The following KIF4B variants were observed in gnomAD, a reference collection of about 807,000 sequenced individuals.
KIF4B encodes kinesin family member 4B.
In KIF4B, 60 loss-of-function variants were observed where a neutral mutation model predicts 69.0. The ratio of observed to expected loss-of-function variants is 0.87; its 90% confidence interval spans 0.71 to 1.08. The LOEUF (loss-of-function observed/expected upper bound fraction) is 1.08. Ranked by LOEUF, KIF4B falls within the 50% of genes least tolerant of loss-of-function variation. The pLI is 0.00. For missense variants in KIF4B, 1,357 were observed against 1,451.9 expected, an observed-to-expected ratio of 0.93 and a Z score of 1.06; for synonymous variants, 489 against 533.0, an observed-to-expected ratio of 0.92 and a Z score of 1.14.
chr5:155,014,003 C>T lies in KIF4B; in HGVS notation c.144C>T (p.Ser48=). 6.2e-7 allele frequency: 1 copy of T among 1,614,212 alleles called. No homozygotes were observed. Among genetic ancestry groups the T allele is most frequent in the East Asian group, 2.2e-5 (1 of 44,886 alleles). The change falls in exon 1 of 1, where the codon TCC becomes TCT. Residue 48 remains serine, a synonymous_variant. Coordinates refer to ENST00000435029, the MANE Select transcript of KIF4B (RefSeq NM_001099293.3). ...ETQVVVGTDK[S]FTYDFVFDPC... Reference sequence around the variant, plus strand: ...AGGTGGTGGTTGGTACTGATAAATCCTTCACCTACGATTTTGTGTTTGACC... The same window carrying T: ...AGGTGGTGGTTGGTACTGATAAATCTTTCACCTACGATTTTGTGTTTGACC...
In KIF4B at chr5:155,017,412, C is replaced by A; in HGVS notation, c.3553C>A (p.Pro1185Thr). 1.2e-6 allele frequency: 2 copies of A among 1,614,130 alleles called. No homozygotes were observed. Among genetic ancestry groups the A allele is most frequent in the Non-Finnish European group, 1.7e-6 (2 of 1,180,026 alleles). Reference sequence around the variant, plus strand: ...GCAGGTGCTGTCAAAGAAGACTGCTCCAGCTCCCTCCCCTTTTGACCTCCC... The same window carrying A: ...GCAGGTGCTGTCAAAGAAGACTGCTACAGCTCCCTCCCCTTTTGACCTCCC... The part of the protein sequence containing the change: ...MEQVLSKKTA[P>T]APSPFDLPES... Residue 1185 changes from proline (P) to threonine (T), a missense_variant, in exon 1 of 1, where the codon CCA becomes ACA. Coordinates refer to ENST00000435029, the MANE Select transcript of KIF4B (RefSeq NM_001099293.3).
In KIF4B at chr5:155,014,321, A is replaced by G. The variant is rs547414776; in HGVS notation, c.462A>G (p.Pro154=). 6.2e-7 allele frequency: 1 copy of G among 1,614,244 alleles called. No homozygotes were observed. Among genetic ancestry groups the G allele is most frequent in the Non-Finnish European group, 8.5e-7 (1 of 1,180,046 alleles). ...AAGAAATTTTGGATCTTCTATGCCCATCTCGTGAGAAAGCTCAAATAAATA... is the reference window on the plus strand; with the variant it reads ...AAGAAATTTTGGATCTTCTATGCCCGTCTCGTGAGAAAGCTCAAATAAATA... ...YNEEILDLLC[P]SREKAQINIR... Residue 154 remains proline, a synonymous_variant, in exon 1 of 1, where the codon CCA becomes CCG. Coordinates refer to ENST00000435029, the MANE Select transcript of KIF4B (RefSeq NM_001099293.3).
In KIF4B at chr5:155,016,234, C is replaced by G; in HGVS notation, c.2375C>G (p.Pro792Arg). 1 of 1,614,150 alleles carries G rather than the reference C, an allele frequency of 6.2e-7. No homozygotes were observed. The highest frequency in any genetic ancestry group is 1.3e-5 in the African/African-American group (1 of 75,038). ...KEKKESRENP[P>R]PKLRKCTFSL... ...AAAAAGGAATCTCGGGAGAATCCAC[C>G]TCCTAAACTCCGGAAGTGTACATTC... is the stretch of plus-strand genomic sequence containing the variant. Residue 792 changes from proline to arginine, a missense_variant, in exon 1 of 1, where the codon CCT (proline) becomes CGT (arginine). Physicochemically the swap from Pro to Arg is moderately radical, Grantham distance 103 (BLOSUM62 -2). Transcript: ENST00000435029.
In KIF4B at chr5:155,014,347, T is replaced by C. The variant is rs1765285977; in HGVS notation, c.488T>C (p.Ile163Thr). Residue 163 changes from isoleucine to threonine, a missense_variant, in exon 1 of 1, where the codon ATA becomes ACA. Physicochemically the swap from Ile to Thr is moderately conservative, Grantham distance 89. Coordinates refer to ENST00000435029, the MANE Select transcript of KIF4B (RefSeq NM_001099293.3). Reference sequence around the variant, plus strand: ...TCTCGTGAGAAAGCTCAAATAAATATACGGGAGGATCCTAAGGAAGGCATA... The same window carrying C: ...TCTCGTGAGAAAGCTCAAATAAATACACGGGAGGATCCTAAGGAAGGCATA... ...CPSREKAQIN[I>T]REDPKEGIKI... is the part of the protein sequence containing the mutation. 6.2e-7 allele frequency: 1 copy of C among 1,614,220 alleles called. No homozygotes were observed. Among genetic ancestry groups the C allele is most frequent in the African/African-American group, 1.3e-5 (1 of 75,050 alleles).
Position 155,013,812 on chromosome 5 carries a change from G to C in KIF4B, c.-48G>C. 6.2e-7 allele frequency: 1 copy of C among 1,602,968 alleles called. No homozygotes were observed. Among genetic ancestry groups the C allele is most frequent in the South Asian group, 1.1e-5 (1 of 90,256 alleles). Reference sequence around the variant, plus strand: ...GGGACAGGGCGGCGGGAGACCCCGGGTGAACGGGGAAGGGACATTTAGTTT... The same window carrying C: ...GGGACAGGGCGGCGGGAGACCCCGGCTGAACGGGGAAGGGACATTTAGTTT... On this transcript the variant is annotated 5_prime_UTR_variant, in exon 1 of 1. Transcript: ENST00000435029.
At position 155,015,970 on chromosome 5, in the gene KIF4B, C is replaced by T. The variant is rs760342797; in HGVS notation, c.2111C>T (p.Thr704Met). 53 of 1,613,958 alleles carry T rather than the reference C, an allele frequency of 3.3e-5. No homozygotes were observed. The highest frequency in any genetic ancestry group is 6.7e-5 in the Admixed American group (4 of 60,000). Reference sequence around the variant, plus strand: ...CAATCCAGTGTGCTCAGACGTAAAACGGAAGAGGCAGCAGCTGCCAACAAG... The same window carrying T: ...CAATCCAGTGTGCTCAGACGTAAAATGGAAGAGGCAGCAGCTGCCAACAAG... ...QKQSSVLRRK[T>M]EEAAAANKRL... The change falls in exon 1 of 1, where the codon ACG becomes ATG. Residue 704 changes from threonine (T) to methionine (M), a missense_variant. Coordinates refer to ENST00000435029, the MANE Select transcript of KIF4B (RefSeq NM_001099293.3).
chr5:155,015,879 C>G lies in KIF4B; in HGVS notation c.2020C>G (p.Gln674Glu), dbSNP rs375883993. The G allele has an allele frequency of 6.2e-7, 1 of 1,614,092 alleles. No homozygotes were observed. Among genetic ancestry groups the G allele is most frequent in the South Asian group, 1.1e-5 (1 of 91,088 alleles). ...WKQKKDKEVI[Q>E]LKERDRKRQY... Reference sequence around the variant, plus strand: ...GCAGAAAAAAGACAAAGAAGTAATACAGTTGAAAGAACGAGACCGTAAGAG... The same window carrying G: ...GCAGAAAAAAGACAAAGAAGTAATAGAGTTGAAAGAACGAGACCGTAAGAG... Residue 674 changes from glutamine (Q) to glutamate (E), a missense_variant, in exon 1 of 1, where the codon CAG becomes GAG. Transcript: ENST00000435029.
rs1561755945 is a variant in KIF4B at position 155,014,946 on chromosome 5, G to C, written c.1087G>C (p.Val363Leu). 1.2e-6 allele frequency: 2 copies of C among 1,614,216 alleles called. No individual in the cohort carries two copies. Among genetic ancestry groups the C allele is most frequent in the South Asian group, 2.2e-5 (2 of 91,086 alleles). ...HLKQQVQQLQ[V>L]LLLQAHGGTL... ...AAAGCAACAGGTACAACAGCTACAA[G>C]TCTTGTTGCTACAAGCCCATGGAGG... Residue 363 changes from valine (V) to leucine (L), a missense_variant, in exon 1 of 1, where the codon GTC becomes CTC. Physicochemically the swap from Val to Leu is conservative, Grantham distance 32. Coordinates refer to ENST00000435029, the MANE Select transcript of KIF4B (RefSeq NM_001099293.3).
chr5:155,017,153 G>C lies in KIF4B; in HGVS notation c.3294G>C (p.Gln1098His). The C allele has an allele frequency of 6.2e-7, 1 of 1,614,214 alleles. No homozygotes were observed. The highest frequency in any genetic ancestry group is 1.1e-5 in the South Asian group (1 of 91,086). Reference sequence around the variant, plus strand: ...GCAAGGGCTGGTGTGGGAACAAGCAGTGTGGGTGCAGGAAGCAAAAGTCAG... The same window carrying C: ...GCAAGGGCTGGTGTGGGAACAAGCACTGTGGGTGCAGGAAGCAAAAGTCAG... Reference protein sequence around the residue: ...CSCKGWCGNKQCGCRKQKSDC... With the variant: ...CSCKGWCGNKHCGCRKQKSDC... The change falls in exon 1 of 1, where the codon CAG (glutamine) becomes CAC (histidine). Residue 1098 changes from glutamine to histidine, a missense_variant. Gln to His is a conservative substitution (Grantham distance 24). Coordinates refer to ENST00000435029, the MANE Select transcript of KIF4B (RefSeq NM_001099293.3).
chr5:155,014,251 A>G lies in KIF4B; in HGVS notation c.392A>G (p.Asp131Gly). 1 of 1,614,222 alleles carries G rather than the reference A, an allele frequency of 6.2e-7. No homozygotes were observed. Among genetic ancestry groups the G allele is most frequent in the Non-Finnish European group, 8.5e-7 (1 of 1,180,044 alleles). The change falls in exon 1 of 1, where the codon GAC (aspartate) becomes GGC (glycine). Residue 131 changes from aspartate (D) to glycine (G), a missense_variant. Physicochemically the swap from Asp to Gly is moderately conservative, Grantham distance 94. Transcript: ENST00000435029. ...LLFKEIDKKS[D>G]FEFTLKVSYL... The stretch of plus-strand genomic sequence containing the variant: ...TTCAAAGAAATTGATAAAAAGAGTG[A>G]CTTTGAATTTACTCTGAAAGTGTCT...
At position 155,016,007 on chromosome 5, in the gene KIF4B, T is replaced by C. The variant is rs1382698468; in HGVS notation, c.2148T>C (p.Asp716=). The C allele has an allele frequency of 6.2e-7, 1 of 1,614,046 alleles. No individual in the cohort carries two copies. Among genetic ancestry groups the C allele is most frequent in the Non-Finnish European group, 8.5e-7 (1 of 1,180,044 alleles). Residue 716 remains aspartate (D), a synonymous_variant, in exon 1 of 1, where the codon GAT becomes GAC. Coordinates refer to ENST00000435029, the MANE Select transcript of KIF4B (RefSeq NM_001099293.3). The part of the protein sequence containing the change: ...EAAAANKRLK[D]ALQKQREVTD... ...CAGCTGCCAACAAGCGACTCAAGGA[T>C]GCTCTCCAGAAACAACGAGAGGTCA...
chr5:155,017,003 A>C lies in KIF4B; in HGVS notation c.3144A>C (p.Ser1048=), dbSNP rs768029992. 1.7e-5 allele frequency: 28 copies of C among 1,614,132 alleles called. No homozygotes were observed. In the South Asian group the frequency reaches 3.1e-4, roughly 18 times the overall value. Residue 1048 remains serine, a synonymous_variant, in exon 1 of 1, where the codon TCA becomes TCC. Transcript: ENST00000435029. Reference sequence around the variant, plus strand: ...ACATCGAGGATCTAAAATATTGTTCAGAGCATTCTGTGAATGAGCATGAAG... The same window carrying C: ...ACATCGAGGATCTAAAATATTGTTCCGAGCATTCTGTGAATGAGCATGAAG... ...SMDIEDLKYC[S]EHSVNEHEDG...
At position 155,016,160 on chromosome 5, in the gene KIF4B, C is replaced by T. The variant is rs775711733; in HGVS notation, c.2301C>T (p.Leu767=). 1 of 1,614,152 alleles carries T rather than the reference C, an allele frequency of 6.2e-7. No homozygotes were observed. Among genetic ancestry groups the T allele is most frequent in the Non-Finnish European group, 8.5e-7 (1 of 1,180,040 alleles). ...TEEAKRHLND[L]LEDRKILAQD... ...AAGCCAAACGCCATCTGAATGACCT[C>T]CTTGAAGACAGAAAGATCCTGGCTC... The change falls in exon 1 of 1, where the codon CTC becomes CTT. Residue 767 remains leucine (L), a synonymous_variant. Coordinates refer to ENST00000435029, the MANE Select transcript of KIF4B (RefSeq NM_001099293.3).
chr5:155,015,768 A>C lies in KIF4B; in HGVS notation c.1909A>C (p.Asn637His). ...ESTERTVSKL[N>H]QEIWMMKNQR... The stretch of plus-strand genomic sequence containing the variant: ...CACAGAGCGTACTGTCTCCAAGCTG[A>C]ACCAAGAGATATGGATGATGAAAAA... The change falls in exon 1 of 1, where the codon AAC becomes CAC. Residue 637 changes from asparagine to histidine, a missense_variant. Transcript: ENST00000435029. The C allele has an allele frequency of 2.5e-6, 4 of 1,614,252 alleles. No homozygotes were observed. The highest frequency in any genetic ancestry group is 3.4e-6 in the Non-Finnish European group (4 of 1,180,044).
In KIF4B at chr5:155,015,013, T is replaced by C; in HGVS notation, c.1154T>C (p.Leu385Pro). 2 of 1,614,180 alleles carry C rather than the reference T, an allele frequency of 1.2e-6. No individual in the cohort carries two copies. Among genetic ancestry groups the C allele is most frequent in the Non-Finnish European group, 1.7e-6 (2 of 1,180,028 alleles). The change falls in exon 1 of 1, where the codon CTA (leucine) becomes CCA (proline). Residue 385 changes from leucine to proline, a missense_variant. By Grantham distance (98) the Leu-to-Pro change is moderately conservative (BLOSUM62 -3). Transcript: ENST00000435029. ...ATAAATGCAGAACCATCAGAGAATC[T>C]ACAATCCCTGATGGAGAAGAATCAG... ...GSINAEPSEN[L>P]QSLMEKNQSL...
At position 155,016,750 on chromosome 5, in the gene KIF4B, A is replaced by G; in HGVS notation, c.2891A>G (p.Gln964Arg). 1 of 1,614,182 alleles carries G rather than the reference A, an allele frequency of 6.2e-7. No homozygotes were observed. Among genetic ancestry groups the G allele is most frequent in the Non-Finnish European group, 8.5e-7 (1 of 1,180,036 alleles). The part of the protein sequence containing the change: ...EKEQQLVSTL[Q>R]CQDEELEKMR... Reference sequence around the variant, plus strand: ...GAACAACAGCTGGTGAGCACACTGCAGTGTCAGGATGAAGAACTTGAGAAG... The same window carrying G: ...GAACAACAGCTGGTGAGCACACTGCGGTGTCAGGATGAAGAACTTGAGAAG... The change falls in exon 1 of 1, where the codon CAG (glutamine) becomes CGG (arginine). Residue 964 changes from glutamine (Q) to arginine (R), a missense_variant. Transcript: ENST00000435029.
chr5:155,016,437 A>G lies in KIF4B; in HGVS notation c.2578A>G (p.Ile860Val). The part of the protein sequence containing the change: ...PKQCWENIAT[I>V]LEAKCALKYL... ...ACAATGCTGGGAGAATATTGCCACC[A>G]TTCTGGAAGCCAAGTGTGCCCTGAA... The change falls in exon 1 of 1, where the codon ATT becomes GTT. Residue 860 changes from isoleucine (I) to valine (V), a missense_variant. Ile to Val is a conservative substitution (Grantham distance 29, BLOSUM62 3). Transcript: ENST00000435029. The G allele has an allele frequency of 6.2e-7, 1 of 1,614,238 alleles. No homozygotes were observed. The highest frequency in any genetic ancestry group is 1.1e-5 in the South Asian group (1 of 91,088).
Position 155,017,548 on chromosome 5 carries a change from A to C in KIF4B, c.3689A>C (p.Glu1230Ala). Residue 1230 changes from glutamate (E) to alanine (A), a missense_variant, in exon 1 of 1, where the codon GAA (glutamate) becomes GCA (alanine). Coordinates refer to ENST00000435029, the MANE Select transcript of KIF4B (RefSeq NM_001099293.3). ...TTCTTCTCTGGCTGCTCCCCTATCG[A>C]AGAAGAGGCCCACTGAAGTTGGAGT... ...TSFFSGCSPI[E>A]EEAH The C allele has an allele frequency of 6.2e-7, 1 of 1,612,672 alleles. No individual in the cohort carries two copies. Among genetic ancestry groups the C allele is most frequent in the Non-Finnish European group, 8.5e-7 (1 of 1,179,864 alleles).
In KIF4B at chr5:155,014,413, T is replaced by G. The variant is rs1369719097; in HGVS notation, c.554T>G (p.Leu185Trp). Residue 185 changes from leucine to tryptophan, a missense_variant, in exon 1 of 1, where the codon TTG (leucine) becomes TGG (tryptophan). Physicochemically the swap from Leu to Trp is moderately conservative, Grantham distance 61. Coordinates refer to ENST00000435029, the MANE Select transcript of KIF4B (RefSeq NM_001099293.3). ...ACTGAGAAGACTGTTTTAGTTGCCT[T>G]GGATACTGTTTCCTGTTTGGAGCAG... ...GLTEKTVLVALDTVSCLEQGN... is the reference protein window; with the variant it reads ...GLTEKTVLVAWDTVSCLEQGN... 1.2e-6 allele frequency: 2 copies of G among 1,614,214 alleles called. No homozygotes were observed. The highest frequency in any genetic ancestry group is 1.7e-6 in the Non-Finnish European group (2 of 1,180,040).
Sources: allele counts gnomAD v4.1 joint callset, GRCh38; gene constraint gnomAD v4.1.1; transcripts MANE v1.5; gene names NCBI Gene and HGNC (gene_info 2026-07-23, HGNC 2026-07-21).